Variants in LRRFIP1 observed in about 807,000 individuals in gnomAD.
LRRFIP1 encodes LRR binding FLII interacting protein 1, also known as leucine-rich repeat flightless-interacting protein 1.
Under a neutral mutation model 104.4 loss-of-function variants are expected in LRRFIP1, and 62 were observed. The observed-to-expected ratio is 0.59, with a 90% CI of 0.48 to 0.73. LRRFIP1 has a LOEUF of 0.73. Among genes scored for constraint, LRRFIP1 ranks in the 30% least tolerant of loss-of-function variants. The probability of loss-of-function intolerance (pLI) is 0.00; values close to 1 mark genes in which losing one functional copy is unlikely to be tolerated. For synonymous variants in LRRFIP1, 300 were observed against 299.0 expected, an observed-to-expected ratio of 1.00 and a Z score of -0.03; for missense variants, 796 against 824.5, an observed-to-expected ratio of 0.97 and a Z score of 0.42.
chr2:237,659,011 A>G (rs958594800), intron 1 of LRRFIP1, among the ~76,000 whole-genome samples: 6 of 152,242 alleles, frequency 3.9e-5, no homozygotes, highest in African/African-American at 1.4e-4. Context: ...ATGCAGAAGT[A>G]GATCCAAATA....
At chr2:237,712,925 A>G (rs2094169195) in intron 2 of LRRFIP1, among the ~76,000 whole-genome samples, 1 of 152,194 alleles carries the variant, frequency 6.6e-6, no homozygotes, top group Non-Finnish European at 1.5e-5. Flanking sequence ...GGGGAAATGA[A>G]TACGTTTTGG....
At chr2:237,639,927 A>C (rs1428072403) in intron 1 of LRRFIP1, among the ~76,000 whole-genome samples, 4 of 152,126 alleles carry the variant, frequency 2.6e-5, no homozygotes, top group Non-Finnish European at 5.9e-5. Flanking sequence ...ACATGCTTCC[A>C]GACATTGTCA....
intron 22 of LRRFIP1, among the ~76,000 whole-genome samples, chr2:237,773,619 T>C (rs369505678): frequency 1.8e-4 from 27 of 152,324 alleles, no homozygotes; most frequent in African/African-American, 6.0e-4. Flanking sequence ...GCCTGGGCTT[T>C]TAGCCTTTCT....
intron 2 of LRRFIP1, among the ~76,000 whole-genome samples, chr2:237,712,306 TA>T: frequency 6.6e-6 from 1 of 152,120 alleles, no homozygotes; most frequent in East Asian, 1.9e-4. Context: ...GTACCAACAA[TA>T]AAAACAAGAG....
rs114915443 is a variant in LRRFIP1 at position 237,724,681 on chromosome 2, A to G, written c.384+1095A>G. Among the ~76,000 whole-genome samples the G allele has an allele frequency of 1.9e-3, 293 of 152,314 alleles. 2 individuals are homozygous for G. Among genetic ancestry groups the G allele is most frequent in the South Asian group, 0.011 (52 of 4,824 alleles). On this transcript the variant is annotated intron_variant, in intron 7 of 23. Transcript: ENST00000308482. ...ACTCTCCTGTTCTTTAAGGAATTCAATGTGTTAGCAACATATTTCTAGATT... is the reference window on the plus strand; with the variant it reads ...ACTCTCCTGTTCTTTAAGGAATTCAGTGTGTTAGCAACATATTTCTAGATT...
In LRRFIP1 at chr2:237,769,998, A is replaced by C. The variant is rs200386885; in HGVS notation, c.1509+6A>C. On this transcript the variant is annotated splice_donor_region_variant and intron_variant, in intron 20 of 23. Transcript: ENST00000308482. ...GGGAATGCTTATTGGAACAGGTAACAATCTTTTTATTACTTTACCGGTTCA... is the reference window on the plus strand; with the variant it reads ...GGGAATGCTTATTGGAACAGGTAACCATCTTTTTATTACTTTACCGGTTCA... 6.9e-6 allele frequency: 11 copies of C among 1,599,934 alleles called. No individual in the cohort carries two copies. In the Admixed American group the frequency reaches 1.9e-4, roughly 27 times the overall value.
intron 3 of LRRFIP1, among the ~76,000 whole-genome samples, chr2:237,714,915 C>T (rs1045440591): frequency 1.3e-4 from 20 of 152,296 alleles, no homozygotes; most frequent in Admixed American, 5.9e-4. Context: ...GAGCGAGTTC[C>T]TTGAGAATTT....
At chr2:237,721,937 T>G (rs1224264552) in intron 6 of LRRFIP1, 1 of 152,298 alleles carries the variant, frequency 6.6e-6, no homozygotes, top group Non-Finnish European at 1.5e-5. Flanking sequence ...CGGGACCGTC[T>G]GACCCCACTC....
At chr2:237,643,526 G>A (rs981317944) in intron 1 of LRRFIP1, among the ~76,000 whole-genome samples, 1 of 152,196 alleles carries the variant, frequency 6.6e-6, no homozygotes, top group African/African-American at 2.4e-5. Flanking sequence ...GAATGACTTC[G>A]GTCATAACCG....
intron 11 of LRRFIP1, among the ~76,000 whole-genome samples, chr2:237,747,573 A>T (rs2058038523): frequency 6.6e-6 from 1 of 152,166 alleles, no homozygotes; most frequent in Non-Finnish European, 1.5e-5. Flanking sequence ...TTCATTATGA[A>T]TTATCTCTGT....
At chr2:237,652,473 G>C (rs990958033) in intron 1 of LRRFIP1, among the ~76,000 whole-genome samples, 1 of 152,228 alleles carries the variant, frequency 6.6e-6, no homozygotes, top group Non-Finnish European at 1.5e-5. Flanking sequence ...ACCTTGATGA[G>C]AGCTGGTTCA....
At chr2:237,755,806 C>T (rs905101054) in intron 15 of LRRFIP1, among the ~76,000 whole-genome samples, 21 of 152,238 alleles carry the variant, frequency 1.4e-4, no homozygotes, top group African/African-American at 3.1e-4. Flanking sequence ...TGGAGGCAGG[C>T]GCCTGTATTC....
At chr2:237,680,553 G>C (rs540903866) in intron 1 of LRRFIP1, among the ~76,000 whole-genome samples, 1 of 152,318 alleles carries the variant, frequency 6.6e-6, no homozygotes, top group South Asian at 2.1e-4. Context: ...TCAGAGACTT[G>C]AGCATCTCCA....
rs2095203802 is a variant in LRRFIP1 at position 237,735,317 on chromosome 2, C to T, written c.539C>T (p.Thr180Ile). 2.5e-6 allele frequency: 4 copies of T among 1,613,252 alleles called. No homozygotes were observed. Among genetic ancestry groups the T allele is most frequent in the South Asian group, 2.2e-5 (2 of 91,062 alleles). The stretch of plus-strand genomic sequence containing the variant: ...TTCGGTGGGACCCGACGGGGCAGCA[C>T]CTCCGGCTCCCGTGCTGTAAGGCGC... ...GSFGGTRRGS[T>I]SGSRAPSEYS... The change falls in exon 10 of 24, where the codon ACC becomes ATC. Residue 180 changes from threonine (T) to isoleucine (I), a missense_variant. By Grantham distance (89) the Thr-to-Ile change is moderately conservative. Transcript: ENST00000308482. The surrounding 1 kb of genome is among the most constrained non-coding windows in gnomAD (Gnocchi z 4.6).
chr2:237,743,802 G>A (rs1230855973), intron 11 of LRRFIP1, among the ~76,000 whole-genome samples: 2 of 152,138 alleles, frequency 1.3e-5, no homozygotes, highest in Admixed American at 6.5e-5. Flanking sequence ...GGGATCCAGA[G>A]GTTTGACGGC....
intron 1 of LRRFIP1, among the ~76,000 whole-genome samples, chr2:237,629,445 T>TAA (rs2082029759): frequency 6.6e-6 from 1 of 151,622 alleles, no homozygotes; most frequent in African/African-American, 2.4e-5. Context: ...GTTTGCCTTT[T>TAA]ATCCACTGGT....
At chr2:237,721,388 A>G (rs886919263) in intron 6 of LRRFIP1, 1 of 152,450 alleles carries the variant, frequency 6.6e-6, no homozygotes, top group Non-Finnish European at 1.5e-5. Context: ...TGGTTAATCA[A>G]CACAAATATG....
At chr2:237,738,690 G>C (rs1049333868) in intron 10 of LRRFIP1, among the ~76,000 whole-genome samples, 5 of 152,216 alleles carry the variant, frequency 3.3e-5, no homozygotes, top group African/African-American at 1.2e-4. Flanking sequence ...CAGGTAAATG[G>C]ATAGACAGAT....
intron 1 of LRRFIP1, among the ~76,000 whole-genome samples, chr2:237,640,557 C>G (rs1383549104): frequency 6.6e-6 from 1 of 152,118 alleles, no homozygotes; most frequent in Non-Finnish European, 1.5e-5. Flanking sequence ...GACCACCCCC[C>G]AGATGAGAAG....
Sources: allele counts gnomAD v4.1 joint callset (sites outside exome capture counted in the v4.1 genomes callset), GRCh38; gene constraint gnomAD v4.1.1; non-coding constraint Gnocchi (gnomAD v3.1); transcripts MANE v1.5; gene names NCBI Gene and HGNC (gene_info 2026-07-23, HGNC 2026-07-21).